The following FBXW7 variants were observed in gnomAD, a reference collection of about 807,000 sequenced individuals.
FBXW7 encodes F-box and WD repeat domain containing 7.
In FBXW7, 11 loss-of-function variants were observed where a neutral mutation model predicts 86.3. That is an observed-to-expected ratio of 0.13 (90% CI 0.08 to 0.21). The LOEUF (loss-of-function observed/expected upper bound fraction) is 0.21. FBXW7 is among the 10% of genes least tolerant of loss of function. The pLI is 1.00. For synonymous variants in FBXW7, 313 were observed against 297.9 expected, an observed-to-expected ratio of 1.05 and a Z score of -0.52; for missense variants, 488 against 847.4, an observed-to-expected ratio of 0.58 and a Z score of 5.27.
intron 2 of FBXW7, among the ~76,000 whole-genome samples, chr4:152,503,052 G>A (rs1018608744): frequency 2.6e-5 from 4 of 152,210 alleles, no homozygotes; most frequent in Admixed American, 1.3e-4. Context: ...TTTACATAAA[G>A]AGATGGTAAA....
At chr4:152,387,978 G>A (rs1735685739) in intron 4 of FBXW7, among the ~76,000 whole-genome samples, 1 of 151,962 alleles carries the variant, frequency 6.6e-6, no homozygotes, top group Admixed American at 6.5e-5. Context: ...AAAGTGCTGG[G>A]ATTACAGGCG....
chr4:152,484,091 T>C (rs925720448), intron 2 of FBXW7, among the ~76,000 whole-genome samples: 98 of 152,174 alleles, frequency 6.4e-4, no homozygotes, highest in African/African-American at 2.2e-3. Context: ...TTCTGAAAAA[T>C]AGCTCTCTCT....
At chr4:152,471,942 G>A (rs1246744181) in intron 2 of FBXW7, among the ~76,000 whole-genome samples, 1 of 151,480 alleles carries the variant, frequency 6.6e-6, no homozygotes, top group Non-Finnish European at 1.5e-5. Flanking sequence ...AAATGAAAAT[G>A]CAAGCTACAG....
At chr4:152,432,624 T>C (rs1235016208) in intron 2 of FBXW7, among the ~76,000 whole-genome samples, 1 of 151,844 alleles carries the variant, frequency 6.6e-6, no homozygotes, top group African/African-American at 2.4e-5. Context: ...CTGACCAACA[T>C]AGTGAACCCC....
chr4:152,463,156 T>TG, intron 2 of FBXW7, among the ~76,000 whole-genome samples: 1 of 151,628 alleles, frequency 6.6e-6, no homozygotes, highest in Non-Finnish European at 1.5e-5. Flanking sequence ...GGCGTGGTGG[T>TG]GGGCGCCTGT....
chr4:152,449,530 T>C lies in FBXW7; in HGVS notation c.-119-37001A>G, dbSNP rs187364845. ...TAATCCAAGGAGGCTCCTGCTATCA[T>C]AAATGTTAGAAGAGTTTTAATGAGA... On this transcript the variant is annotated intron_variant, in intron 2 of 13. Coordinates refer to ENST00000281708, the MANE Select transcript of FBXW7 (RefSeq NM_001349798.2). 3.3e-4 allele frequency among the ~76,000 whole-genome samples: 50 copies of C among 152,300 alleles called. No individual in the cohort carries two copies. In the East Asian group the frequency reaches 8.1e-3, roughly 25 times the overall value.
intron 4 of FBXW7, among the ~76,000 whole-genome samples, chr4:152,357,106 A>C (rs185674970): frequency 1.3e-3 from 196 of 152,300 alleles, no homozygotes; most frequent in South Asian, 2.5e-3. Context: ...ACTACCATCT[A>C]AGTAAACAAA....
intron 2 of FBXW7, among the ~76,000 whole-genome samples, chr4:152,457,269 A>T (rs1173282848): frequency 6.6e-6 from 1 of 152,208 alleles, no homozygotes; most frequent in Non-Finnish European, 1.5e-5. Context: ...GGTGATGTAT[A>T]TATTCACTGG....
At chr4:152,416,086 T>G (rs1268488514) in intron 2 of FBXW7, among the ~76,000 whole-genome samples, 1 of 152,134 alleles carries the variant, frequency 6.6e-6, no homozygotes, top group Non-Finnish European at 1.5e-5. Flanking sequence ...CACACTAGAA[T>G]TTAAGTTCTA....
chr4:152,410,410 C>G (rs921749934), intron 4 of FBXW7, among the ~76,000 whole-genome samples: 6 of 152,184 alleles, frequency 3.9e-5, no homozygotes, highest in African/African-American at 1.4e-4. Flanking sequence ...CATCTTGAGA[C>G]AGGGATGGTA....
intron 10 of FBXW7, among the ~76,000 whole-genome samples, chr4:152,329,468 A>G (rs1349903117): frequency 6.6e-6 from 1 of 151,942 alleles, no homozygotes; most frequent in Non-Finnish European, 1.5e-5. Flanking sequence ...AAAATTAATG[A>G]AACCTCTATC....
chr4:152,521,468 G>C (rs369967591), intron 2 of FBXW7, among the ~76,000 whole-genome samples: 1 of 152,126 alleles, frequency 6.6e-6, no homozygotes, highest in Non-Finnish European at 1.5e-5. Context: ...TATATACATG[G>C]ACACACAACC....
At chr4:152,360,962 C>T (rs1054298034) in intron 4 of FBXW7, among the ~76,000 whole-genome samples, 1 of 151,798 alleles carries the variant, frequency 6.6e-6, no homozygotes, top group Non-Finnish European at 1.5e-5. Flanking sequence ...AAGCATCTTA[C>T]TAATTTTCCA....
chr4:152,499,673 G>A (rs1240255134), intron 2 of FBXW7, among the ~76,000 whole-genome samples: 1 of 151,936 alleles, frequency 6.6e-6, no homozygotes, highest in Non-Finnish European at 1.5e-5. Flanking sequence ...GCAGCCTCCT[G>A]AGCAGCCAGG....
At chr4:152,404,193 AT>A (rs1474393003) in intron 4 of FBXW7, among the ~76,000 whole-genome samples, 1 of 152,154 alleles carries the variant, frequency 6.6e-6, no homozygotes, top group Non-Finnish European at 1.5e-5. Context: ...ATATAATGAC[AT>A]TTCCTGTGAG....
At chr4:152,414,246 G>A (rs939435153) in intron 2 of FBXW7, among the ~76,000 whole-genome samples, 8 of 151,958 alleles carry the variant, frequency 5.3e-5, no homozygotes, top group African/African-American at 1.2e-4. Context: ...CCTGCACTTC[G>A]GAACATTAAA....
chr4:152,507,653 G>C (rs1000056442), intron 2 of FBXW7, among the ~76,000 whole-genome samples: 12 of 152,310 alleles, frequency 7.9e-5, no homozygotes, highest in African/African-American at 2.9e-4. Flanking sequence ...GAAGAATTCC[G>C]ATTTCCAGTA....
At chr4:152,503,722 A>G (rs1228290189) in intron 2 of FBXW7, among the ~76,000 whole-genome samples, 2 of 152,070 alleles carry the variant, frequency 1.3e-5, no homozygotes, top group Non-Finnish European at 2.9e-5. Context: ...TCAGCTAGGT[A>G]TTAAACAATT....
intron 6 of FBXW7, among the ~76,000 whole-genome samples, chr4:152,341,080 C>T (rs1560778830): frequency 6.6e-6 from 1 of 152,184 alleles, no homozygotes; most frequent in South Asian, 2.1e-4. Context: ...ATTCCTGTAA[C>T]TCCCTAAGTG....
Sources: allele counts gnomAD v4.1 joint callset (sites outside exome capture counted in the v4.1 genomes callset), GRCh38; gene constraint gnomAD v4.1.1; transcripts MANE v1.5; gene names NCBI Gene and HGNC (gene_info 2026-07-23, HGNC 2026-07-21).